The following AGTPBP1 variants were observed in gnomAD, a reference collection of about 807,000 sequenced individuals.
AGTPBP1 encodes the protein cytosolic carboxypeptidase 1.
Under a neutral mutation model 143.9 loss-of-function variants are expected in AGTPBP1, and 70 were observed. The ratio of observed to expected loss-of-function variants is 0.49; its 90% CI spans 0.40 to 0.59. The LOEUF is 0.59. Among genes scored for constraint, AGTPBP1 ranks in the 20% least tolerant of loss-of-function variants. The probability of loss-of-function intolerance (pLI) is 0.00; values close to 1 mark genes in which losing one functional copy is unlikely to be tolerated. For synonymous variants in AGTPBP1, 463 were observed against 500.2 expected (o/e 0.93, Z 0.99); for missense variants, 1,229 against 1,464.5 (o/e 0.84, Z 2.62).
intron 3 of AGTPBP1, among the ~76,000 whole-genome samples, chr9:85,687,500 T>C (rs537675937): frequency 6.6e-6 from 1 of 152,150 alleles, no homozygotes; most frequent in African/African-American, 2.4e-5. Flanking sequence ...TTCCAAGGAT[T>C]GAAATCAATC....
chr9:85,771,367 T>C, the AGTPBP1 span, among the ~76,000 whole-genome samples: 5 of 152,100 alleles, frequency 3.3e-5, no homozygotes, highest in African/African-American at 1.2e-4. Flanking sequence ...TCCCAGATAC[T>C]TGGGAGGCTG....
intron 2 of AGTPBP1, among the ~76,000 whole-genome samples, chr9:85,711,441 CT>C (rs746034159): frequency 1.5e-3 from 214 of 139,256 alleles, no homozygotes; most frequent in Middle Eastern, 7.3e-3. Context: ...TTTTTTCTTT[CT>C]TTTTTTTTTT....
chr9:85,668,966 C>CAT (rs200242372), intron 8 of AGTPBP1, among the ~76,000 whole-genome samples: 13,160 of 67,456 alleles, frequency 0.2, 1,096 homozygotes, highest in African/African-American at 0.39. Context: ...TACATACATA[C>CAT]ATGTGTGTGT....
intron 1 of AGTPBP1, among the ~76,000 whole-genome samples, chr9:85,715,021 C>A (rs188622096): frequency 5.5e-4 from 83 of 152,036 alleles, no homozygotes; most frequent in East Asian, 1.7e-3. Context: ...CCAAGGCGGG[C>A]GGATGACCCG....
the AGTPBP1 span, among the ~76,000 whole-genome samples, chr9:85,748,247 C>T: frequency 8.5e-5 from 13 of 152,254 alleles, no homozygotes; most frequent in Admixed American, 7.9e-4. Flanking sequence ...GAAGTATTTT[C>T]CCCTTGCCTT....
chr9:85,663,388 G>C (rs1833953522), intron 8 of AGTPBP1, among the ~76,000 whole-genome samples: 1 of 151,942 alleles, frequency 6.6e-6, no homozygotes, highest in Non-Finnish European at 1.5e-5. Flanking sequence ...CCTCAGTAGT[G>C]GGGAAAAATC....
intron 11 of AGTPBP1, among the ~76,000 whole-genome samples, chr9:85,651,979 TAG>T (rs1833189941): frequency 6.6e-6 from 1 of 152,140 alleles, no homozygotes; most frequent in Non-Finnish European, 1.5e-5. Flanking sequence ...ATTTCCTAGG[TAG>T]AGGAGCATCT....
At chr9:85,668,390 G>C (rs1834262275) in intron 8 of AGTPBP1, among the ~76,000 whole-genome samples, 1 of 151,596 alleles carries the variant, frequency 6.6e-6, no homozygotes, top group African/African-American at 2.4e-5. Flanking sequence ...TTGAGCCTAG[G>C]AATTTGAGGC....
chr9:85,703,285 A>G (rs1836787438), intron 2 of AGTPBP1, among the ~76,000 whole-genome samples: 1 of 152,212 alleles, frequency 6.6e-6, no homozygotes, highest in South Asian at 2.1e-4. Context: ...ATGATGTTCA[A>G]ACTGGAAGTT....
intron 25 of AGTPBP1, among the ~76,000 whole-genome samples, chr9:85,553,294 G>A (rs1043210651): frequency 2.6e-5 from 4 of 152,190 alleles, no homozygotes; most frequent in South Asian, 2.1e-4. Context: ...TCCCTGACTT[G>A]TAATAGTTCA....
Position 85,741,035 on chromosome 9 carries a change from A to C in AGTPBP1, c.-34+740T>G, listed in dbSNP as rs79412007. 9.9e-3 allele frequency among the ~76,000 whole-genome samples: 1,512 copies of C among 152,318 alleles called. 33 individuals are homozygous for C. The highest frequency in any genetic ancestry group is 0.034 in the African/African-American group (1,417 of 41,562). On this transcript the variant is annotated intron_variant, in intron 1 of 25. Transcript: ENST00000357081. ...GTTTATACCGCACAAGGGGTAAAACAACGGTAGAGTCGAGCAAGCCTTTGG... is the reference window on the plus strand; with the variant it reads ...GTTTATACCGCACAAGGGGTAAAACCACGGTAGAGTCGAGCAAGCCTTTGG...
chr9:85,737,286 G>C (rs1056950517), intron 1 of AGTPBP1, among the ~76,000 whole-genome samples: 2 of 152,154 alleles, frequency 1.3e-5, no homozygotes, highest in East Asian at 3.9e-4. Flanking sequence ...AAGTGCTTCT[G>C]TAACTGAATT....
intron 2 of AGTPBP1, among the ~76,000 whole-genome samples, chr9:85,698,736 A>G (rs939631067): frequency 1.5e-4 from 17 of 112,814 alleles, no homozygotes; most frequent in Middle Eastern, 7.6e-3. Context: ...TCTGTCGCCC[A>G]GGCTGGAGTG....
intron 8 of AGTPBP1, among the ~76,000 whole-genome samples, chr9:85,667,408 G>C (rs1036552262): frequency 4.6e-5 from 7 of 151,956 alleles, no homozygotes; most frequent in African/African-American, 1.4e-4. Context: ...CATTACAAAA[G>C]ATTCACAGCT....
At chr9:85,628,425 G>T (rs942865482) in intron 14 of AGTPBP1, among the ~76,000 whole-genome samples, 5 of 152,122 alleles carry the variant, frequency 3.3e-5, no homozygotes, top group African/African-American at 1.2e-4. Context: ...GTCAAACTTG[G>T]TAAGAGTCAC....
In AGTPBP1 at chr9:85,547,053, A is replaced by C. The variant is rs184923853; in HGVS notation, c.*56T>G. ...TCATTTCTCTCAAGCTTCCTGGGAA[A>C]TAAAAACCAAGATATTTCATTTATT... On this transcript the variant is annotated 3_prime_UTR_variant, in exon 26 of 26. Transcript: ENST00000357081. The C allele has an allele frequency of 2.8e-5, 41 of 1,477,106 alleles. No individual in the cohort carries two copies. Among genetic ancestry groups the C allele is most frequent in the Non-Finnish European group, 3.5e-5 (39 of 1,113,218 alleles). The allele number at this position is 1,477,106 out of a possible 1,614,324, so 91.5% of individuals were successfully genotyped here. A position where few individuals can be genotyped will look rare whatever the true frequency, so the allele number is the denominator to read the frequency against.
intron 25 of AGTPBP1, among the ~76,000 whole-genome samples, chr9:85,555,494 G>C (rs946978838): frequency 6.6e-6 from 1 of 152,188 alleles, no homozygotes; most frequent in African/African-American, 2.4e-5. Context: ...AGTTACTCAG[G>C]AGGCTGAGGC....
intron 20 of AGTPBP1, among the ~76,000 whole-genome samples, chr9:85,589,010 C>G (rs117257799): frequency 6.6e-6 from 1 of 151,044 alleles, no homozygotes; most frequent in Admixed American, 6.6e-5. Flanking sequence ...ATTTTCGATA[C>G]ACAATAAGCT....
chr9:85,579,194 G>A, intron 23 of AGTPBP1, 98 bp from the exon 24 acceptor site: 2 of 1,207,440 alleles, frequency 1.7e-6, no homozygotes, highest in East Asian at 2.7e-5. Context: ...AGTAATTAGA[G>A]CAAAGCCATG....
Sources: gnomAD v4.1 joint callset for allele counts (sites outside exome capture counted in the v4.1 genomes callset) on GRCh38, gnomAD v4.1.1 for gene constraint, MANE v1.5 for transcripts, NCBI Gene and HGNC (gene_info 2026-07-23, HGNC 2026-07-21) for gene names.